CNR1: variants seen among roughly 807,000 people sequenced by gnomAD.
CNR1 encodes cannabinoid receptor 1 (brain).
CNR1 carries 10 observed loss-of-function variants against 23.0 expected under a neutral mutation model. The observed-to-expected ratio is 0.43, with a 90% CI of 0.27 to 0.74. The LOEUF (loss-of-function observed/expected upper bound fraction) is 0.74, where lower values mean the gene tolerates loss of function less well. Ranked by LOEUF, CNR1 falls within the 30% of genes least tolerant of loss-of-function variation. The pLI, the probability that CNR1 is intolerant of heterozygous loss-of-function variation, is 0.19. For missense variants in CNR1, 422 were observed against 618.8 expected (o/e 0.68, Z 3.37); for synonymous variants, 271 against 255.2 (o/e 1.06, Z -0.59).
intron 1 of CNR1, among the ~76,000 whole-genome samples, chr6:88,151,716 C>A (rs913772166): frequency 6.6e-6 from 1 of 151,718 alleles, no homozygotes; most frequent in South Asian, 2.1e-4. Context: ...CAAGAATGCT[C>A]ATTGCCTTAA....
At chr6:88,157,494 T>C (rs1777864834) in intron 1 of CNR1, among the ~76,000 whole-genome samples, 2 of 152,236 alleles carry the variant, frequency 1.3e-5, no homozygotes, top group African/African-American at 4.8e-5. Context: ...TTATTACTAC[T>C]GCCTATGAAA....
At chr6:88,165,148 A>T (rs1319962326) in intron 1 of CNR1, among the ~76,000 whole-genome samples, 1 of 152,248 alleles carries the variant, frequency 6.6e-6, no homozygotes, top group Non-Finnish European at 1.5e-5. Flanking sequence ...ACCAAATGAC[A>T]GTTTCTCATG....
rs143455045 is a variant in CNR1 at position 88,144,049 on chromosome 6, C to G, written c.1226G>C (p.Arg409Pro). Residue 409 changes from arginine to proline, a missense_variant, in exon 2 of 2, where the codon CGG (arginine) becomes CCG (proline). Physicochemically the swap from Arg to Pro is moderately radical, Grantham distance 103. This residue lies in a region of CNR1 where 79 missense variants were observed against 98.0 expected (regional missense o/e 0.81). Coordinates refer to ENST00000369501, the MANE Select transcript of CNR1 (RefSeq NM_016083.6). This position sits in a 1 kb window ranked among gnomAD's most constrained non-coding sequence, Gnocchi z 7.8. The part of the protein sequence containing the change: ...LRSKDLRHAF[R>P]SMFPSCEGTA... ...GCCTTCACAAGAGGGAAACATGCTC[C>G]GGAAAGCGTGTCGCAGGTCCTTACT... 1 of 1,613,832 alleles carries G rather than the reference C, an allele frequency of 6.2e-7. No individual in the cohort carries two copies. Among genetic ancestry groups the G allele is most frequent in the Non-Finnish European group, 8.5e-7 (1 of 1,180,002 alleles).
At chr6:88,153,406 T>C (rs994359871) in intron 1 of CNR1, among the ~76,000 whole-genome samples, 2 of 152,208 alleles carry the variant, frequency 1.3e-5, no homozygotes, top group Non-Finnish European at 2.9e-5. Context: ...GGACTGGTGC[T>C]CCCTGATATA....
intron 1 of CNR1, among the ~76,000 whole-genome samples, chr6:88,149,092 C>T (rs1444131924): frequency 6.6e-6 from 1 of 152,194 alleles, no homozygotes; most frequent in Admixed American, 6.5e-5. Context: ...CACACAGAGG[C>T]ACCCAGTGTG....
chr6:88,145,354 C>T lies in CNR1; in HGVS notation c.-63-17G>A. 2 of 1,126,834 alleles carry T rather than the reference C, an allele frequency of 1.8e-6. No homozygotes were observed. Among genetic ancestry groups the T allele is most frequent in the Non-Finnish European group, 2.6e-6 (2 of 776,622 alleles). The allele number at this position is 1,126,834 out of a possible 1,614,324, so 69.8% of individuals were successfully genotyped here. A position where few individuals can be genotyped will look rare whatever the true frequency, so the allele number is the denominator to read the frequency against. ...GGGGCAATCCTAAGAGGAGGGAAAA[C>T]AAATAAGCCGAATGGTGAGAAACAG... On this transcript the variant is annotated splice_polypyrimidine_tract_variant and intron_variant, in intron 1 of 1. Coordinates refer to ENST00000369501, the MANE Select transcript of CNR1 (RefSeq NM_016083.6).
In CNR1 at chr6:88,141,239, A is replaced by G. The variant is rs1263122871; in HGVS notation, c.*2617T>C. ...TCACTTGGGTTAAGAAATGATATGA[A>G]AAGTGTCAAAGTGAATCTAACTAGT... On this transcript the variant is annotated 3_prime_UTR_variant, in exon 2 of 2. Transcript: ENST00000369501. 2 of 152,782 alleles carry G rather than the reference A, an allele frequency of 1.3e-5. No homozygotes were observed. Among genetic ancestry groups the G allele is most frequent in the Non-Finnish European group, 2.9e-5 (2 of 68,044 alleles). The allele number at this position is 152,782 out of a possible 1,614,324, so 9.5% of individuals were successfully genotyped here.
intron 1 of CNR1, among the ~76,000 whole-genome samples, chr6:88,161,636 A>G (rs1439715556): frequency 6.6e-6 from 1 of 152,208 alleles, no homozygotes; most frequent in Non-Finnish European, 1.5e-5. Context: ...AAATACTTTG[A>G]TAAGAACTAA....
chr6:88,150,940 C>G (rs1406524208), intron 1 of CNR1, among the ~76,000 whole-genome samples: 1 of 152,166 alleles, frequency 6.6e-6, no homozygotes, highest in South Asian at 2.1e-4. Flanking sequence ...TTCTAGTCAC[C>G]TAAGTTCCTA....
intron 1 of CNR1, 141 bp from the exon 2 acceptor site, chr6:88,145,478 T>A: frequency 1.8e-6 from 1 of 545,264 alleles, no homozygotes; most frequent in Non-Finnish European, 3.2e-6. Flanking sequence ...TCTCATCAGA[T>A]TCAGTCAACA....
rs138749103 is a variant in CNR1 at position 88,144,807 on chromosome 6, G to A, written c.468C>T (p.Ile156=). ...GGAGGTCTGCCACCGCCAGGCTGCC[G>A]ATGAAGTGGTAGGAAGGCCTGCAGC... ...SLRCRPSYHF[I]GSLAVADLLG... The change falls in exon 2 of 2, where the codon ATC becomes ATT. Residue 156 remains isoleucine (I), a synonymous_variant. Transcript: ENST00000369501. This position sits in a 1 kb window ranked among gnomAD's most constrained non-coding sequence, Gnocchi z 7.8. The A allele has an allele frequency of 2.0e-5, 32 of 1,614,070 alleles. No homozygotes were observed. The highest frequency in any genetic ancestry group is 1.9e-4 in the South Asian group (17 of 91,092).
Position 88,145,281 on chromosome 6 carries a change from A to T in CNR1, c.-7T>A. 1 of 1,599,478 alleles carries T rather than the reference A, an allele frequency of 6.3e-7. No homozygotes were observed. On this transcript the variant is annotated 5_prime_UTR_variant, in exon 2 of 2. Coordinates refer to ENST00000369501, the MANE Select transcript of CNR1 (RefSeq NM_016083.6). ...CATCTAGGATCGACTTCATAACCTC[A>T]GTCTTTGATTAGGCTGAGCTCAAAA...
At chr6:88,160,527 T>C (rs770984910) in intron 1 of CNR1, among the ~76,000 whole-genome samples, 6 of 151,040 alleles carry the variant, frequency 4.0e-5, no homozygotes, top group African/African-American at 1.5e-4. Flanking sequence ...CTCTGTCCCC[T>C]GGGTGCAAGC....
At chr6:88,150,851 T>A (rs114898669) in intron 1 of CNR1, among the ~76,000 whole-genome samples, 128 of 152,236 alleles carry the variant, frequency 8.4e-4, no homozygotes, top group African/African-American at 2.8e-3. Context: ...TGGAGTTGTT[T>A]AGCAAACATA....
intron 1 of CNR1, among the ~76,000 whole-genome samples, chr6:88,150,324 T>C (rs1777449808): frequency 6.6e-6 from 1 of 152,212 alleles, no homozygotes; most frequent in Admixed American, 6.5e-5. Context: ...ATCTCTCTCA[T>C]CCCTATATCC....
At chr6:88,164,982 A>C (rs1387751711) in intron 1 of CNR1, among the ~76,000 whole-genome samples, 1 of 152,276 alleles carries the variant, frequency 6.6e-6, no homozygotes, top group East Asian at 1.9e-4. Context: ...AGGCAAGAAT[A>C]GCACTTATTT....
intron 1 of CNR1, among the ~76,000 whole-genome samples, chr6:88,156,047 A>G (rs931850649): frequency 2.6e-5 from 4 of 152,140 alleles, no homozygotes; most frequent in African/African-American, 9.7e-5. Flanking sequence ...TCCCACCATG[A>G]GCCATGAGGT....
rs1562521347 is a variant in CNR1, at chr6:88,166,161, G to A, written c.-422C>T. 6.6e-6 allele frequency: 1 copy of A among 151,996 alleles called. No individual in the cohort carries two copies. The highest frequency in any genetic ancestry group is 1.5e-5 in the Non-Finnish European group (1 of 68,012). 9.4% of individuals were successfully genotyped at this position (151,996 alleles called of 1,614,324 possible). A position where few individuals can be genotyped will look rare whatever the true frequency, so the allele number is the denominator to read the frequency against. ...CGGTCTCCAGCGCCCGCCCGCGACAGCGACCGGGACTGGCGCCCCGCTGCT... is the reference window on the plus strand; with the variant it reads ...CGGTCTCCAGCGCCCGCCCGCGACAACGACCGGGACTGGCGCCCCGCTGCT... On this transcript the variant is annotated 5_prime_UTR_variant, in exon 1 of 2. Coordinates refer to ENST00000369501, the MANE Select transcript of CNR1 (RefSeq NM_016083.6).
Position 88,145,093 on chromosome 6 carries a change from T to A in CNR1, c.182A>T (p.Lys61Met). ...TSFRGSPFQE[K>M]MTAGDNPQLV... Reference sequence around the variant, plus strand: ...CTGGGGGTTGTCTCCCGCAGTCATCTTCTCTTGGAAGGGACTTCCCCTAAA... The same window carrying A: ...CTGGGGGTTGTCTCCCGCAGTCATCATCTCTTGGAAGGGACTTCCCCTAAA... The change falls in exon 2 of 2, where the codon AAG becomes ATG. Residue 61 changes from lysine (K) to methionine (M), a missense_variant. By Grantham distance (95) the Lys-to-Met change is moderately conservative (BLOSUM62 -1). Around this residue, in one of 4 missense-constraint regions of CNR1, gnomAD observed 120 missense variants for 117.6 expected, o/e 1.02. Coordinates refer to ENST00000369501, the MANE Select transcript of CNR1 (RefSeq NM_016083.6). 1 of 1,614,216 alleles carries A rather than the reference T, an allele frequency of 6.2e-7. No homozygotes were observed. The highest frequency in any genetic ancestry group is 8.5e-7 in the Non-Finnish European group (1 of 1,180,032).
Sources: gnomAD v4.1 joint callset for allele counts (sites outside exome capture counted in the v4.1 genomes callset) on GRCh38, gnomAD v4.1.1 for gene constraint, gnomAD v4.1.1 regional missense constraint, Gnocchi (gnomAD v3.1) non-coding constraint, MANE v1.5 for transcripts, NCBI Gene and HGNC (gene_info 2026-07-23, HGNC 2026-07-21) for gene names.